The following ABHD2 variants were observed in gnomAD, a reference collection of about 807,000 sequenced individuals.
ABHD2 encodes the protein monoacylglycerol lipase ABHD2.
A neutral mutation model predicts 48.1 loss-of-function variants in ABHD2; 20 were observed. The observed-to-expected ratio is 0.42, with a 90% CI of 0.29 to 0.60. The LOEUF (loss-of-function observed/expected upper bound fraction) is 0.60. ABHD2 is among the 20% of genes least tolerant of loss of function. The pLI is 0.24. For synonymous variants in ABHD2, 209 were observed against 214.2 expected (o/e 0.98, Z 0.21); for missense variants, 405 against 550.9 (o/e 0.74, Z 2.65).
rs1298374404 is a variant in ABHD2 at position 89,104,542 on chromosome 15, G to T, written c.-106-9183G>T. 6.6e-6 allele frequency among the ~76,000 whole-genome samples: 1 copy of T among 152,212 alleles called. No homozygotes were observed. Among genetic ancestry groups the T allele is most frequent in the African/African-American group, 2.4e-5 (1 of 41,440 alleles). ...ACTGGGGGCACTGGGAGCCTTGTCT[G>T]CTCCCAGTCGGCGTTGGGAAACCAG... On this transcript the variant is annotated intron_variant, in intron 1 of 10. Coordinates refer to ENST00000352732, the MANE Select transcript of ABHD2 (RefSeq NM_152924.5). The surrounding 1 kb of genome is among the most constrained non-coding windows in gnomAD (Gnocchi z 4.4).
At chr15:89,125,233 C>T (rs1376452136) in intron 3 of ABHD2, among the ~76,000 whole-genome samples, 6 of 149,684 alleles carry the variant, frequency 4.0e-5, no homozygotes, top group Non-Finnish European at 7.4e-5. Context: ...TCCAGCCTGG[C>T]GACAGAGGGA....
intron 3 of ABHD2, among the ~76,000 whole-genome samples, chr15:89,142,492 G>T (rs2050419935): frequency 6.6e-6 from 1 of 152,210 alleles, no homozygotes; most frequent in Admixed American, 6.5e-5. Context: ...TTTCTTTGCT[G>T]TAGTAAGATT....
rs1032576592 is a variant in ABHD2, at chr15:89,092,474, T to A, written c.-107+3911T>A. On this transcript the variant is annotated intron_variant, in intron 1 of 10. Transcript: ENST00000352732. The surrounding 1 kb of genome is among the most constrained non-coding windows in gnomAD (Gnocchi z 4.4). ...TTAAAATTGTTTTTAATAGAAATTTTAAAATTTTTTAATTCAAATTTTAGT... is the reference window on the plus strand; with the variant it reads ...TTAAAATTGTTTTTAATAGAAATTTAAAAATTTTTTAATTCAAATTTTAGT... Among the ~76,000 whole-genome samples, 3 of 152,250 alleles carry A rather than the reference T, an allele frequency of 2.0e-5. No homozygotes were observed. Among genetic ancestry groups the A allele is most frequent in the African/African-American group, 4.8e-5 (2 of 41,468 alleles).
chr15:89,151,846 G>T lies in ABHD2; in HGVS notation c.364G>T (p.Val122Phe). The change falls in exon 4 of 11, where the codon GTT becomes TTT. Residue 122 changes from valine to phenylalanine, a missense_variant. Val to Phe is a conservative substitution (Grantham distance 50, BLOSUM62 -1). Coordinates refer to ENST00000352732, the MANE Select transcript of ABHD2 (RefSeq NM_152924.5). The surrounding 1 kb of genome is among the most constrained non-coding windows in gnomAD (Gnocchi z 4.7). ...DLFEPLAEHC[V>F]GDDITMVICP... ...CTTCGAGCCCTTGGCTGAGCACTGTGTTGGAGGTGAGCTGCTTTAGATTGT... is the reference window on the plus strand; with the variant it reads ...CTTCGAGCCCTTGGCTGAGCACTGTTTTGGAGGTGAGCTGCTTTAGATTGT... 6.2e-7 allele frequency: 1 copy of T among 1,614,026 alleles called. No homozygotes were observed. Among genetic ancestry groups the T allele is most frequent in the East Asian group, 2.2e-5 (1 of 44,890 alleles).
intron 3 of ABHD2, among the ~76,000 whole-genome samples, chr15:89,134,023 A>G (rs965133958): frequency 5.3e-5 from 8 of 151,988 alleles, no homozygotes; most frequent in Admixed American, 4.6e-4. Context: ...TATTTTTAGT[A>G]GAGACGGGGT....
At chr15:89,128,443 A>G (rs1473452355) in intron 3 of ABHD2, among the ~76,000 whole-genome samples, 1 of 152,210 alleles carries the variant, frequency 6.6e-6, no homozygotes, top group Non-Finnish European at 1.5e-5. Flanking sequence ...AAGGTGGTAG[A>G]GGCCTTGCTG....
chr15:89,170,811 A>T (rs1022319679), intron 5 of ABHD2, among the ~76,000 whole-genome samples: 1 of 152,112 alleles, frequency 6.6e-6, no homozygotes, highest in African/African-American at 2.4e-5. Flanking sequence ...CATCTTTTCG[A>T]GCTGCACTTT....
At chr15:89,047,209 A>G in the ABHD2 span, among the ~76,000 whole-genome samples, 12 of 152,212 alleles carry the variant, frequency 7.9e-5, no homozygotes, top group Middle Eastern at 3.4e-3. Flanking sequence ...GAGCGGTTTT[A>G]AGTGAGATTC....
chr15:89,167,955 G>A lies in ABHD2; in HGVS notation c.539-7857G>A, dbSNP rs1354810472. On this transcript the variant is annotated intron_variant, in intron 5 of 10. Transcript: ENST00000352732. This position sits in a 1 kb window ranked among gnomAD's most constrained non-coding sequence, Gnocchi z 5.5. ...AGTACTGTGTGCCTTTATTCCAGAC[G>A]ATTCAAACTTCCTTCTTATCCACCT... 3.9e-5 allele frequency among the ~76,000 whole-genome samples: 6 copies of A among 152,160 alleles called. No homozygotes were observed. In the South Asian group the frequency reaches 8.3e-4, roughly 21 times the overall value.
At chr15:89,063,077 C>T in the ABHD2 span, among the ~76,000 whole-genome samples, 2 of 151,304 alleles carry the variant, frequency 1.3e-5, no homozygotes, top group African/African-American at 4.9e-5. Context: ...AGGTGACTCT[C>T]GTGCCTCAGC....
chr15:89,119,810 T>G (rs191240487), intron 3 of ABHD2, among the ~76,000 whole-genome samples: 292 of 152,322 alleles, frequency 1.9e-3, no homozygotes, highest in African/African-American at 6.6e-3. Context: ...TTTTTCTGTG[T>G]CACATGACTA....
At chr15:89,068,013 G>C in the ABHD2 span, among the ~76,000 whole-genome samples, 1 of 152,164 alleles carries the variant, frequency 6.6e-6, no homozygotes, top group African/African-American at 2.4e-5. Context: ...TACCATAGAA[G>C]AAGGGAGAAT....
rs1281399191 is a variant in ABHD2 at position 89,114,060 on chromosome 15, G to A, written c.-7+236G>A. On this transcript the variant is annotated intron_variant, in intron 2 of 10. Transcript: ENST00000352732. The surrounding 1 kb of genome is among the most constrained non-coding windows in gnomAD (Gnocchi z 4.2). ...AGCATATAGTCAGAGAATTTCTGGT[G>A]GATTTTAGTTTTGGTCCTCTAATAG... Among the ~76,000 whole-genome samples, 1 of 152,168 alleles carries A rather than the reference G, an allele frequency of 6.6e-6. No individual in the cohort carries two copies. The highest frequency in any genetic ancestry group is 1.5e-5 in the Non-Finnish European group (1 of 68,036).
the ABHD2 span, among the ~76,000 whole-genome samples, chr15:89,073,742 C>T: frequency 2.0e-5 from 3 of 152,096 alleles, no homozygotes; most frequent in Admixed American, 1.3e-4. Flanking sequence ...TGAGGTTCTG[C>T]ATTTCTAATA....
rs904154879 is a variant in ABHD2 at position 89,097,067 on chromosome 15, G to T, written c.-107+8504G>T. ...GAGCTTGGGCCTTTGTGACTAGCAG[G>T]ACTGTTTGTCATATTGCTAAATAAT... On this transcript the variant is annotated intron_variant, in intron 1 of 10. Coordinates refer to ENST00000352732, the MANE Select transcript of ABHD2 (RefSeq NM_152924.5). The surrounding 1 kb of genome is among the most constrained non-coding windows in gnomAD (Gnocchi z 4.2). Among the ~76,000 whole-genome samples, 2 of 152,130 alleles carry T rather than the reference G, an allele frequency of 1.3e-5. No homozygotes were observed. Among genetic ancestry groups the T allele is most frequent in the African/African-American group, 4.8e-5 (2 of 41,422 alleles).
intron 5 of ABHD2, among the ~76,000 whole-genome samples, chr15:89,160,447 C>A (rs1330075316): frequency 1.3e-5 from 2 of 151,802 alleles, no homozygotes; most frequent in East Asian, 3.8e-4. Flanking sequence ...ATGGTACCAA[C>A]CCTGACTCAT....
rs934919060 is a variant in ABHD2, at chr15:89,088,924, G to A, written c.-107+361G>A. On this transcript the variant is annotated intron_variant, in intron 1 of 10. Transcript: ENST00000352732. This position sits in a 1 kb window ranked among gnomAD's most constrained non-coding sequence, Gnocchi z 6.8. Reference sequence around the variant, plus strand: ...TTCAGGCTCGGCGAAGAAGGTCCGGGATCCGCACCTGGAAGGAGAGGGCCG... The same window carrying A: ...TTCAGGCTCGGCGAAGAAGGTCCGGAATCCGCACCTGGAAGGAGAGGGCCG... Among the ~76,000 whole-genome samples, 7 of 152,354 alleles carry A rather than the reference G, an allele frequency of 4.6e-5. No homozygotes were observed. Among genetic ancestry groups the A allele is most frequent in the African/African-American group, 1.4e-4 (6 of 41,594 alleles).
At chr15:89,154,886 A>G (rs186811547) in intron 4 of ABHD2, among the ~76,000 whole-genome samples, 58 of 152,356 alleles carry the variant, frequency 3.8e-4, no homozygotes, top group African/African-American at 1.3e-3. Context: ...GTACAATTAC[A>G]TCTGTCGGAT....
rs2051241942 is a variant in ABHD2, at chr15:89,188,113, G to C, written c.816-80G>C. The C allele has an allele frequency of 8.0e-7, 1 of 1,249,810 alleles. No homozygotes were observed. Among genetic ancestry groups the C allele is most frequent in the Non-Finnish European group, 1.2e-6 (1 of 857,916 alleles). The allele number at this position is 1,249,810 out of a possible 1,614,324, so 77.4% of individuals were successfully genotyped here. A position where few individuals can be genotyped will look rare whatever the true frequency, so the allele number is the denominator to read the frequency against. ...CCACGTTGGCTCTCCCTCCTGGCTT[G>C]CTGTGGCAAGGAAGCAGGCTATGCC... On this transcript the variant is annotated intron_variant, in intron 7 of 10. Coordinates refer to ENST00000352732, the MANE Select transcript of ABHD2 (RefSeq NM_152924.5). The surrounding 1 kb of genome is among the most constrained non-coding windows in gnomAD (Gnocchi z 4.1).
Sources: allele counts gnomAD v4.1 joint callset (sites outside exome capture counted in the v4.1 genomes callset), GRCh38; gene constraint gnomAD v4.1.1; non-coding constraint Gnocchi (gnomAD v3.1); transcripts MANE v1.5; gene names NCBI Gene and HGNC (gene_info 2026-07-23, HGNC 2026-07-21).